The following ELMO1 variants were observed in gnomAD, a reference collection of about 807,000 sequenced individuals.
ELMO1 encodes engulfment and cell motility protein 1.
In ELMO1, 26 loss-of-function variants were observed where a neutral mutation model predicts 98.9. That is an observed-to-expected ratio of 0.26 (90% CI 0.19 to 0.36). The LOEUF is 0.36. Ranked by LOEUF, ELMO1 falls within the 10% of genes least tolerant of loss-of-function variation. The pLI, the probability that ELMO1 is intolerant of heterozygous loss-of-function variation, is 1.00. For missense variants in ELMO1, 627 were observed against 935.2 expected (o/e 0.67, Z 4.30); for synonymous variants, 346 against 346.0 (o/e 1.00, Z 0.00).
At chr7:37,360,210 G>A (rs968212664) in intron 1 of ELMO1, among the ~76,000 whole-genome samples, 4 of 152,092 alleles carry the variant, frequency 2.6e-5, no homozygotes, top group African/African-American at 9.7e-5. Flanking sequence ...CCACTAACAA[G>A]GAATAATCTT....
chr7:36,940,297 C>T (rs1786918657), intron 16 of ELMO1, among the ~76,000 whole-genome samples: 1 of 152,204 alleles, frequency 6.6e-6, no homozygotes, highest in South Asian at 2.1e-4. Flanking sequence ...GAGCCTTCTA[C>T]ACTCACACTG....
At chr7:37,278,113 C>CT (rs36110041) in intron 4 of ELMO1, among the ~76,000 whole-genome samples, 39,547 of 85,460 alleles carry the variant, frequency 0.46, 6,190 homozygotes, top group Middle Eastern at 0.58. Context: ...ATAGCTTTTC[C>CT]TTTTTTTTTT....
At chr7:36,893,310 C>T (rs1404268545) in intron 17 of ELMO1, among the ~76,000 whole-genome samples, 1 of 152,194 alleles carries the variant, frequency 6.6e-6, no homozygotes, top group African/African-American at 2.4e-5. Context: ...CTCTGAGGAG[C>T]CAGTCACTTA....
intron 2 of ELMO1, among the ~76,000 whole-genome samples, chr7:37,326,624 A>C (rs1166404977): frequency 6.6e-6 from 1 of 152,082 alleles, no homozygotes; most frequent in Non-Finnish European, 1.5e-5. Flanking sequence ...GATTCATTTC[A>C]AAAAAACAGT....
intron 16 of ELMO1, among the ~76,000 whole-genome samples, chr7:36,955,006 C>CAA (rs1421681136): frequency 1.3e-5 from 2 of 152,202 alleles, no homozygotes; most frequent in African/African-American, 2.4e-5. Context: ...GCTAAATTCT[C>CAA]AAAGTATACC....
chr7:37,326,600 T>C (rs978667282), intron 2 of ELMO1, among the ~76,000 whole-genome samples: 2 of 152,012 alleles, frequency 1.3e-5, no homozygotes, highest in African/African-American at 4.8e-5. Flanking sequence ...GCCACCTTTT[T>C]CTTGACAAAT....
At chr7:37,041,501 AT>A (rs920107000) in intron 15 of ELMO1, among the ~76,000 whole-genome samples, 1 of 152,016 alleles carries the variant, frequency 6.6e-6, no homozygotes, top group Non-Finnish European at 1.5e-5. Flanking sequence ...GTGTTTTTGT[AT>A]TTTTTTTCAC....
chr7:37,297,894 A>G (rs1237648208), intron 4 of ELMO1, among the ~76,000 whole-genome samples: 2 of 152,234 alleles, frequency 1.3e-5, no homozygotes, highest in African/African-American at 2.4e-5. Context: ...AACAATGTGT[A>G]TATTTTACAC....
intron 4 of ELMO1, among the ~76,000 whole-genome samples, chr7:37,308,528 T>C (rs1798730493): frequency 6.6e-6 from 1 of 152,196 alleles, no homozygotes; most frequent in African/African-American, 2.4e-5. Flanking sequence ...AAGGCTTAAT[T>C]AGGCCCAGAC....
intron 16 of ELMO1, among the ~76,000 whole-genome samples, chr7:36,912,496 A>G (rs1784408802): frequency 6.6e-6 from 1 of 152,222 alleles, no homozygotes; most frequent in African/African-American, 2.4e-5. Context: ...GCCAAATCCA[A>G]ACGGATTTAT....
intron 15 of ELMO1, among the ~76,000 whole-genome samples, chr7:37,018,476 T>C (rs1409011290): frequency 6.6e-6 from 1 of 151,850 alleles, no homozygotes; most frequent in Non-Finnish European, 1.5e-5. Flanking sequence ...AAATGGTAGC[T>C]ATTAGTTACT....
chr7:37,053,854 T>C (rs1332234533), intron 15 of ELMO1, among the ~76,000 whole-genome samples: 1 of 152,188 alleles, frequency 6.6e-6, no homozygotes, highest in Non-Finnish European at 1.5e-5. Flanking sequence ...TTTTATTTGA[T>C]ATAAGTCTAC....
intron 13 of ELMO1, among the ~76,000 whole-genome samples, chr7:37,155,888 A>C (rs1451512927): frequency 6.6e-6 from 1 of 152,202 alleles, no homozygotes; most frequent in African/African-American, 2.4e-5. Context: ...TCAGCACGAC[A>C]TCGCACTTAT....
At chr7:37,333,265 C>T (rs952638082) in intron 2 of ELMO1, among the ~76,000 whole-genome samples, 4 of 152,156 alleles carry the variant, frequency 2.6e-5, no homozygotes, top group African/African-American at 9.7e-5. Flanking sequence ...TATCCTGCCA[C>T]AATTAACCTG....
intron 15 of ELMO1, among the ~76,000 whole-genome samples, chr7:37,092,403 G>A (rs1367069842): frequency 1.0e-5 from 1 of 98,666 alleles, no homozygotes; most frequent in African/African-American, 4.0e-5. Context: ...TTTGGAGACA[G>A]AGTCTCGCTC....
intron 16 of ELMO1, among the ~76,000 whole-genome samples, chr7:36,902,944 A>G (rs1460289169): frequency 2.0e-5 from 3 of 152,180 alleles, no homozygotes; most frequent in East Asian, 1.9e-4. Context: ...TCTGACTTCA[A>G]CTGTGCCCCT....
At chr7:37,361,299 G>A (rs147059517) in intron 1 of ELMO1, among the ~76,000 whole-genome samples, 1 of 152,278 alleles carries the variant, frequency 6.6e-6, no homozygotes, top group East Asian at 1.9e-4. Flanking sequence ...AGACTACTCA[G>A]CAATAAAAAA....
At chr7:37,295,907 C>A (rs1172809808) in intron 4 of ELMO1, among the ~76,000 whole-genome samples, 1 of 152,198 alleles carries the variant, frequency 6.6e-6, no homozygotes, top group Non-Finnish European at 1.5e-5. Context: ...CAAGCTTCCA[C>A]ATTCAATACG....
chr7:37,125,120 T>C (rs568827265), intron 14 of ELMO1, among the ~76,000 whole-genome samples: 39 of 152,174 alleles, frequency 2.6e-4, no homozygotes, highest in African/African-American at 8.9e-4. Flanking sequence ...CCTTACACCT[T>C]ATACAAAAAT....
Sources: gnomAD v4.1 joint callset for allele counts (sites outside exome capture counted in the v4.1 genomes callset) on GRCh38, gnomAD v4.1.1 for gene constraint, MANE v1.5 for transcripts, NCBI Gene and HGNC (gene_info 2026-07-23, HGNC 2026-07-21) for gene names.